The following COL13A1 variants were observed in gnomAD, a reference collection of about 807,000 sequenced individuals.
The protein encoded by COL13A1 is collagen alpha-1(XIII) chain.
A neutral mutation model predicts 130.9 loss-of-function variants in COL13A1; 89 were observed. That is an observed-to-expected ratio of 0.68 (90% CI 0.57 to 0.81). The LOEUF is 0.81. COL13A1 is among the 30% of genes least tolerant of loss of function. The probability of loss-of-function intolerance (pLI) is 0.00; values close to 1 mark genes in which losing one functional copy is unlikely to be tolerated. For missense variants in COL13A1, 879 were observed against 934.6 expected (o/e 0.94, Z 0.78); for synonymous variants, 402 against 341.6 (o/e 1.18, Z -1.95).
At chr10:69,885,185 G>A (rs190089336) in intron 7 of COL13A1, among the ~76,000 whole-genome samples, 257 of 152,078 alleles carry the variant, frequency 1.7e-3, no homozygotes, top group African/African-American at 5.7e-3. Context: ...AAAGCCATAG[G>A]AGAAGATTAA....
At chr10:69,843,768 T>C (rs1852252543) in intron 2 of COL13A1, among the ~76,000 whole-genome samples, 1 of 152,202 alleles carries the variant, frequency 6.6e-6, no homozygotes. Flanking sequence ...GTCATGGGGT[T>C]GGTGAAGTCC....
At chr10:69,881,700 T>C (rs2060155859) in intron 7 of COL13A1, among the ~76,000 whole-genome samples, 1 of 152,200 alleles carries the variant, frequency 6.6e-6, no homozygotes, top group Non-Finnish European at 1.5e-5. Flanking sequence ...AAGGTTTTCT[T>C]CTGGGTTCAG....
chr10:69,867,704 G>A (rs1009540460), intron 2 of COL13A1, 94 bp from the exon 3 acceptor site: 168 of 702,090 alleles, frequency 2.4e-4, no homozygotes, highest in African/African-American at 7.1e-5. Flanking sequence ...AAACCCCTCC[G>A]CTGATGAATC....
At chr10:69,836,541 C>T (rs1850121131) in intron 2 of COL13A1, among the ~76,000 whole-genome samples, 1 of 152,168 alleles carries the variant, frequency 6.6e-6, no homozygotes, top group Non-Finnish European at 1.5e-5. Flanking sequence ...GTCAGAGCTC[C>T]AGCTGCTCAT....
intron 3 of COL13A1, 82 bp downstream of exon 3, chr10:69,867,887 A>G: frequency 1.4e-6 from 1 of 714,446 alleles, no homozygotes; most frequent in Non-Finnish European, 2.6e-6. Context: ...GGGGGCACTG[A>G]AAGCTGGGCC....
At chr10:69,894,498 C>T (rs2061459122) in intron 10 of COL13A1, 54 bp from the exon 11 acceptor site, 1 of 1,608,434 alleles carries the variant, frequency 6.2e-7, no homozygotes. Flanking sequence ...GCAGGTGTCC[C>T]TGATTGCCTG....
At chr10:69,835,424 C>T (rs901725058) in intron 2 of COL13A1, among the ~76,000 whole-genome samples, 1 of 152,078 alleles carries the variant, frequency 6.6e-6, no homozygotes, top group Non-Finnish European at 1.5e-5. Flanking sequence ...CGATGACTAC[C>T]CCCACTCTTG....
In COL13A1 at chr10:69,888,307, C is replaced by A. The variant is rs766688015; in HGVS notation, c.553C>A (p.Pro185Thr). Residue 185 changes from proline (P) to threonine (T), a missense_variant, in exon 9 of 41, where the codon CCC (proline) becomes ACC (threonine). This residue lies in a region of COL13A1 where 715 missense variants were observed against 721.0 expected (regional missense o/e 0.99). Transcript: ENST00000645393. The stretch of plus-strand genomic sequence containing the variant: ...CATCTGGCCTTTCTGGTTTCAGGGT[C>A]CCATTGGGCTGGACGGCAAACCGGT... ...GTRGFPGFPGPIGLDGKPGHP... is the reference protein window; with the variant it reads ...GTRGFPGFPGTIGLDGKPGHP... 6.8e-6 allele frequency: 11 copies of A among 1,612,846 alleles called. No individual in the cohort carries two copies. The highest frequency in any genetic ancestry group is 1.3e-5 in the African/African-American group (1 of 74,918).
intron 2 of COL13A1, among the ~76,000 whole-genome samples, chr10:69,848,493 T>A (rs1853766313): frequency 6.6e-6 from 1 of 152,206 alleles, no homozygotes; most frequent in Non-Finnish European, 1.5e-5. Context: ...TGCTGGGATC[T>A]GAACCTAGGT....
At chr10:69,809,991 A>G (rs1346580843) in intron 1 of COL13A1, among the ~76,000 whole-genome samples, 6 of 152,194 alleles carry the variant, frequency 3.9e-5, no homozygotes, top group Non-Finnish European at 8.8e-5. Context: ...CCCAGATCCT[A>G]TTTGATCACT....
At chr10:69,823,960 G>A (rs1846818370) in intron 2 of COL13A1, among the ~76,000 whole-genome samples, 1 of 152,192 alleles carries the variant, frequency 6.6e-6, no homozygotes, top group Non-Finnish European at 1.5e-5. Flanking sequence ...TGTTTCCAAG[G>A]ATCATGTCTG....
intron 1 of COL13A1, among the ~76,000 whole-genome samples, chr10:69,809,077 C>T (rs1364138465): frequency 2.6e-5 from 4 of 152,166 alleles, no homozygotes; most frequent in Non-Finnish European, 2.9e-5. Context: ...CAGCTGGCTG[C>T]CAAGGTTTTT....
rs79724224 is a variant in COL13A1, at chr10:69,892,129, A to G, written c.604-2423A>G. Among the ~76,000 whole-genome samples the G allele has an allele frequency of 2.5e-3, 386 of 152,274 alleles. 3 individuals carry two copies. Among genetic ancestry groups the G allele is most frequent in the Admixed American group, 3.9e-3 (60 of 15,298 alleles). On this transcript the variant is annotated intron_variant, in intron 10 of 40. Coordinates refer to ENST00000645393, the MANE Select transcript of COL13A1 (RefSeq NM_001368882.1). ...TCGTGAGCCCACATCAGTGGGATAG[A>G]TCCCCTGTCTGCCTCATCAAATCCA... is the stretch of plus-strand genomic sequence containing the variant.
intron 12 of COL13A1, 69 bp downstream of exon 12, chr10:69,894,770 C>A (rs2061487081): frequency 4.4e-6 from 7 of 1,584,656 alleles, no homozygotes; most frequent in Middle Eastern, 1.7e-4. Context: ...AGAAAGGGGT[C>A]AATTATGGTT....
chr10:69,903,062 G>A (rs934491093), intron 15 of COL13A1, among the ~76,000 whole-genome samples: 3 of 152,250 alleles, frequency 2.0e-5, no homozygotes, highest in Non-Finnish European at 2.9e-5. Context: ...CCTGGGCCAT[G>A]TTCCCTGCCT....
At chr10:69,828,285 T>G (rs1183677918) in intron 2 of COL13A1, among the ~76,000 whole-genome samples, 1 of 151,876 alleles carries the variant, frequency 6.6e-6, no homozygotes, top group African/African-American at 2.4e-5. Context: ...CACCCCCATC[T>G]CTTCCTCCTG....
rs768307635 is a variant in COL13A1, at chr10:69,905,815, G to A, written c.914G>A (p.Gly305Asp). The change falls in exon 17 of 41, where the codon GGC becomes GAC. Residue 305 changes from glycine to aspartate, a missense_variant. Physicochemically the swap from Gly to Asp is moderately conservative, Grantham distance 94. Coordinates refer to ENST00000645393, the MANE Select transcript of COL13A1 (RefSeq NM_001368882.1). ...KGDPGIQGYH[G>D]RKGERGMPGM... is the part of the protein sequence containing the mutation. ...GACCCAGGGATCCAGGGCTACCACGGCCGGAAGGTAAGATGGAGGGGGAGG... is the reference window on the plus strand; with the variant it reads ...GACCCAGGGATCCAGGGCTACCACGACCGGAAGGTAAGATGGAGGGGGAGG... The A allele has an allele frequency of 3.1e-6, 5 of 1,613,746 alleles. No individual in the cohort carries two copies. The highest frequency in any genetic ancestry group is 3.4e-6 in the Non-Finnish European group (4 of 1,179,814).
At chr10:69,889,314 C>T in intron 9 of COL13A1, 100 bp from the exon 10 acceptor site, 1 of 853,228 alleles carries the variant, frequency 1.2e-6, no homozygotes, top group Non-Finnish European at 1.5e-6. Context: ...GCACGGGGGG[C>T]AGGGAGGAGC....
intron 1 of COL13A1, among the ~76,000 whole-genome samples, chr10:69,821,166 G>A (rs1470633397): frequency 6.6e-6 from 1 of 152,228 alleles, no homozygotes; most frequent in Non-Finnish European, 1.5e-5. Context: ...AGGTCTTTCA[G>A]TTAGTTTTTC....
Sources: allele counts gnomAD v4.1 joint callset (sites outside exome capture counted in the v4.1 genomes callset), GRCh38; gene constraint gnomAD v4.1.1; regional missense constraint gnomAD v4.1.1; transcripts MANE v1.5; gene names NCBI Gene and HGNC (gene_info 2026-07-23, HGNC 2026-07-21).